DIPK1C: variants seen among roughly 807,000 people sequenced by gnomAD.
DIPK1C encodes the protein divergent protein kinase domain 1C, also known as familial non-conventional Alzheimer's dementia.
Under a neutral mutation model 28.0 loss-of-function variants are expected in DIPK1C, and 33 were observed. The observed-to-expected ratio is 1.18, with a 90% CI of 0.89 to 1.58. The LOEUF is 1.58. DIPK1C is among the 40% of genes most tolerant of loss of function. The probability of loss-of-function intolerance (pLI) is 0.00; values close to 1 mark genes in which losing one functional copy is unlikely to be tolerated. For synonymous variants in DIPK1C, 255 were observed against 248.8 expected, an observed-to-expected ratio of 1.02 and a Z score of -0.23; for missense variants, 569 against 568.5, an observed-to-expected ratio of 1.00 and a Z score of -0.01.
At chr18:74,460,320 C>T (rs1286851710), upstream of DIPK1C, among the ~76,000 whole-genome samples, 6 of 152,168 alleles carry the variant, frequency 3.9e-5, no homozygotes, top group South Asian at 4.1e-4. Flanking sequence ...AAAGCAAGTT[C>T]CAAAACATTA....
At chr18:74,440,981 A>C (rs796145972) in intron 3 of DIPK1C, among the ~76,000 whole-genome samples, 1 of 152,074 alleles carries the variant, frequency 6.6e-6, no homozygotes, top group African/African-American at 2.4e-5. Flanking sequence ...CTGGGGTGGC[A>C]GAGTCGGGGT....
chr18:74,446,687 G>T lies in DIPK1C; in HGVS notation c.795C>A (p.Asn265Lys), dbSNP rs1273539832. ...DIALSFLDMV[N>K]HFDSDFSHRL... ...GGTGGGAAAAGTCACTGTCAAAATG[G>T]TTCACCATGTCCAAGAAGCTGAGTG... Residue 265 changes from asparagine to lysine, a missense_variant, in exon 2 of 4, where the codon AAC becomes AAA. By Grantham distance (94) the Asn-to-Lys change is moderately conservative. Transcript: ENST00000343998. The T allele has an allele frequency of 1.3e-6, 2 of 1,533,910 alleles. No homozygotes were observed. Among genetic ancestry groups the T allele is most frequent in the South Asian group, 2.5e-5 (2 of 81,368 alleles).
At chr18:74,458,761 A>C (rs1180067519), upstream of DIPK1C, among the ~76,000 whole-genome samples, 1 of 152,030 alleles carries the variant, frequency 6.6e-6, no homozygotes, top group Non-Finnish European at 1.5e-5. Flanking sequence ...GGCTGGCTGT[A>C]TGGAAACTGT....
At chr18:74,456,127 G>A (rs1986506004) in intron 1 of DIPK1C, among the ~76,000 whole-genome samples, 1 of 152,192 alleles carries the variant, frequency 6.6e-6, no homozygotes, top group African/African-American at 2.4e-5. Context: ...TTTAGGAAAT[G>A]AATAATCGCT....
Position 74,442,609 on chromosome 18 carries a change from A to T in DIPK1C, c.877-493T>A, listed in dbSNP as rs373220617. On this transcript the variant is annotated intron_variant, in intron 2 of 3. Coordinates refer to ENST00000343998, the MANE Select transcript of DIPK1C (RefSeq NM_001044369.3). ...CTCCCAAAGTGCTGGGATTATAGGC[A>T]TGAGCCACCGTGCCCGGCCGCATTT... 3.3e-4 allele frequency among the ~76,000 whole-genome samples: 51 copies of T among 152,324 alleles called. 1 individual carries two copies. Among genetic ancestry groups the T allele is most frequent in the African/African-American group, 1.2e-3 (49 of 41,562 alleles).
Position 74,447,229 on chromosome 18 carries a change from C to T in DIPK1C, c.253G>A (p.Val85Met). ...LAGDLCEDLC[V>M]AGELLFQRCL... ...CGTTGGAACAGCAGCTCTCCCGCCA[C>T]ACACAGGTCCTCGCAGAGGTCCCCG... The change falls in exon 2 of 4, where the codon GTG becomes ATG. Residue 85 changes from valine to methionine, a missense_variant. Physicochemically the swap from Val to Met is conservative, Grantham distance 21. Coordinates refer to ENST00000343998, the MANE Select transcript of DIPK1C (RefSeq NM_001044369.3). This position sits in a 1 kb window ranked among gnomAD's most constrained non-coding sequence, Gnocchi z 4.1. The T allele has an allele frequency of 6.5e-7, 1 of 1,549,622 alleles. No individual in the cohort carries two copies. Among genetic ancestry groups the T allele is most frequent in the Non-Finnish European group, 8.7e-7 (1 of 1,146,610 alleles).
chr18:74,457,248 C>A lies in DIPK1C; in HGVS notation c.12G>T (p.Ala4=). 1 of 1,005,532 alleles carries A rather than the reference C, an allele frequency of 9.9e-7. No homozygotes were observed. Among genetic ancestry groups the A allele is most frequent in the Middle Eastern group, 5.0e-4 (1 of 2,020 alleles). 62.3% of individuals were successfully genotyped at this position (1,005,532 alleles called of 1,614,324 possible). A position where few individuals can be genotyped will look rare whatever the true frequency, so the allele number is the denominator to read the frequency against. Reference sequence around the variant, plus strand: ...ACCCGGCAGGGCCCCGCGCGCCCGCCGCCCGCGCCATGGCCAGCCCTGCCC... The same window carrying A: ...ACCCGGCAGGGCCCCGCGCGCCCGCAGCCCGCGCCATGGCCAGCCCTGCCC... MAR[A]AGARGPAGWC... The change falls in exon 1 of 4, where the codon GCG becomes GCT. Residue 4 remains alanine, a synonymous_variant. Coordinates refer to ENST00000343998, the MANE Select transcript of DIPK1C (RefSeq NM_001044369.3).
intron 2 of DIPK1C, among the ~76,000 whole-genome samples, chr18:74,446,165 G>A (rs1986255214): frequency 6.6e-6 from 1 of 152,244 alleles, no homozygotes. Context: ...GTTACATGTT[G>A]TCACAGAGCA....
rs1417738005 is a variant in DIPK1C, at chr18:74,446,877, A to G, written c.605T>C (p.Leu202Pro). 1.3e-6 allele frequency: 2 copies of G among 1,520,140 alleles called. No homozygotes were observed. Among genetic ancestry groups the G allele is most frequent in the Admixed American group, 2.1e-5 (1 of 47,894 alleles). The allele number at this position is 1,520,140 out of a possible 1,614,324, so 94.2% of individuals were successfully genotyped here. A position where few individuals can be genotyped will look rare whatever the true frequency, so the allele number is the denominator to read the frequency against. The change falls in exon 2 of 4, where the codon CTG (leucine) becomes CCG (proline). Residue 202 changes from leucine to proline, a missense_variant. By Grantham distance (98) the Leu-to-Pro change is moderately conservative (BLOSUM62 -3). Transcript: ENST00000343998. ...CAGCACGTGTGGGCTCAGGTCCTGC[A>G]GCAGGCTGAAGTAGACGTACTCCTC... ...QQEEYVYFSL[L>P]QDLSPHVLPV...
At chr18:74,448,283 A>T (rs1009866291) in intron 1 of DIPK1C, among the ~76,000 whole-genome samples, 3 of 151,856 alleles carry the variant, frequency 2.0e-5, no homozygotes, top group African/African-American at 4.8e-5. Context: ...CGACAAATGA[A>T]TCTTCCTCCA....
At chr18:74,436,811 C>T (rs1599033746) in intron 3 of DIPK1C, 92 bp from the exon 4 acceptor site, 2 of 1,225,088 alleles carry the variant, frequency 1.6e-6, no homozygotes, top group East Asian at 5.1e-5. Context: ...CAGATTTCAG[C>T]TTCTCTCCCA....
At chr18:74,460,018 T>A (rs1319182428), upstream of DIPK1C, among the ~76,000 whole-genome samples, 1 of 152,094 alleles carries the variant, frequency 6.6e-6, no homozygotes, top group East Asian at 1.9e-4. Flanking sequence ...CTTCTCAGGC[T>A]TTTTCTGAAC....
At chr18:74,445,157 TG>T (rs1323068680) in intron 2 of DIPK1C, among the ~76,000 whole-genome samples, 1 of 151,428 alleles carries the variant, frequency 6.6e-6, no homozygotes, top group African/African-American at 2.4e-5. Flanking sequence ...GAGCTGGGGG[TG>T]GGGGTTGTAC....
chr18:74,437,010 A>G (rs925813897), intron 3 of DIPK1C, among the ~76,000 whole-genome samples: 27 of 152,154 alleles, frequency 1.8e-4, no homozygotes, highest in African/African-American at 5.8e-4. Context: ...TCTGGGTGAC[A>G]CTGTAAAAGG....
chr18:74,450,741 G>C (rs956177849), intron 1 of DIPK1C, among the ~76,000 whole-genome samples: 1 of 152,246 alleles, frequency 6.6e-6, no homozygotes, highest in Non-Finnish European at 1.5e-5. Context: ...CTGTGCATGA[G>C]CCTGGATGGG....
Position 74,447,219 on chromosome 18 carries a change from T to TTAG in DIPK1C, c.262_263insCTA (p.Glu88delinsAlaLys). On this transcript the variant is annotated protein_altering_variant, in exon 2 of 4. Transcript: ENST00000343998. This position sits in a 1 kb window ranked among gnomAD's most constrained non-coding sequence, Gnocchi z 4.1. Reference sequence around the variant, plus strand: ...GTGCAGGCAGCGTTGGAACAGCAGCTCTCCCGCCACACACAGGTCCTCGCA... The same window carrying TTAG: ...GTGCAGGCAGCGTTGGAACAGCAGCTTAGCTCCCGCCACACACAGGTCCTCGCA... 6.5e-7 allele frequency: 1 copy of TTAG among 1,550,030 alleles called. No homozygotes were observed. The highest frequency in any genetic ancestry group is 8.7e-7 in the Non-Finnish European group (1 of 1,146,818).
intron 3 of DIPK1C, among the ~76,000 whole-genome samples, chr18:74,440,720 C>G (rs908968735): frequency 2.0e-5 from 3 of 152,214 alleles, no homozygotes; most frequent in African/African-American, 7.2e-5. Context: ...CTCAGCCTCT[C>G]GTTACATTGC....
At chr18:74,457,322 G>A (rs1396923620), upstream of DIPK1C, 1 of 967,722 alleles carries the variant, frequency 1.0e-6, no homozygotes, top group Non-Finnish European at 1.2e-6. Context: ...CACTCGCGTA[G>A]CTGCTCCGCG....
chr18:74,459,320 G>A (rs190548641), upstream of DIPK1C, among the ~76,000 whole-genome samples: 3 of 152,144 alleles, frequency 2.0e-5, no homozygotes, highest in Non-Finnish European at 4.4e-5. Flanking sequence ...TTACTTTTGT[G>A]GGTTTTAAAA....
Sources: gnomAD v4.1 joint callset for allele counts (sites outside exome capture counted in the v4.1 genomes callset) on GRCh38, gnomAD v4.1.1 for gene constraint, Gnocchi (gnomAD v3.1) non-coding constraint, MANE v1.5 for transcripts, NCBI Gene and HGNC (gene_info 2026-07-23, HGNC 2026-07-21) for gene names.